LIMD1: variants seen among roughly 807,000 people sequenced by gnomAD.
LIMD1 encodes the protein LIM domain containing 1.
Under a neutral mutation model 58.4 loss-of-function variants are expected in LIMD1, and 23 were observed. The ratio of observed to expected loss-of-function variants is 0.39; its 90% CI spans 0.28 to 0.56. LIMD1 has a LOEUF of 0.56. Ranked by LOEUF, LIMD1 falls within the 20% of genes least tolerant of loss-of-function variation. The pLI, the probability that LIMD1 is intolerant of heterozygous loss-of-function variation, is 0.57. For missense variants in LIMD1, 838 were observed against 855.5 expected (o/e 0.98, Z 0.25); for synonymous variants, 334 against 345.5 (o/e 0.97, Z 0.37).
At chr3:45,672,859 G>A (rs766834785) in intron 5 of LIMD1, 39 bp downstream of exon 5, 2 of 1,610,424 alleles carry the variant, frequency 1.2e-6, no homozygotes, top group African/African-American at 1.3e-5. Flanking sequence ...CATTCGTGTA[G>A]GCCAAGCTGA....
At chr3:45,667,903 C>A (rs1697539929) in intron 3 of LIMD1, among the ~76,000 whole-genome samples, 1 of 152,252 alleles carries the variant, frequency 6.6e-6, no homozygotes, top group East Asian at 1.9e-4. Flanking sequence ...GAACCCACCC[C>A]CTGAGTTTCC....
intron 1 of LIMD1, among the ~76,000 whole-genome samples, chr3:45,604,350 A>G (rs529447172): frequency 6.6e-6 from 1 of 152,328 alleles, no homozygotes; most frequent in Admixed American, 6.5e-5. Context: ...CCGTCCCTGC[A>G]TGCCATCTCT....
chr3:45,646,225 G>C lies in LIMD1; in HGVS notation c.1510+9974G>C, dbSNP rs115541664. Among the ~76,000 whole-genome samples the C allele has an allele frequency of 1.2e-3, 176 of 152,332 alleles. 1 individual carries two copies. The highest frequency in any genetic ancestry group is 3.8e-3 in the African/African-American group (160 of 41,564). On this transcript the variant is annotated intron_variant, in intron 2 of 7. Transcript: ENST00000273317. ...GGAAGTGTGTTCGTGCCCAGGGGCA[G>C]GTGGCCACTGTGTATACACTTGCCA...
chr3:45,648,306 C>A (rs888991780), intron 2 of LIMD1, among the ~76,000 whole-genome samples: 2 of 152,198 alleles, frequency 1.3e-5, no homozygotes, highest in African/African-American at 4.8e-5. Flanking sequence ...ATAGATTTGC[C>A]TATTCTGGAT....
At chr3:45,610,643 C>A (rs1387149229) in intron 1 of LIMD1, among the ~76,000 whole-genome samples, 1 of 152,172 alleles carries the variant, frequency 6.6e-6, no homozygotes, top group Non-Finnish European at 1.5e-5. Flanking sequence ...CCCCCCAGCT[C>A]TGCCAACAGC....
chr3:45,662,595 C>G (rs1056861941), intron 2 of LIMD1, among the ~76,000 whole-genome samples: 29 of 152,090 alleles, frequency 1.9e-4, no homozygotes, highest in Non-Finnish European at 5.9e-5. Flanking sequence ...GATTCCTTTT[C>G]CCATCCTCTC....
Position 45,596,101 on chromosome 3 carries a change from T to A in LIMD1, c.1222T>A (p.Trp408Arg). 6.2e-7 allele frequency: 1 copy of A among 1,614,220 alleles called. No individual in the cohort carries two copies. The highest frequency in any genetic ancestry group is 2.2e-5 in the East Asian group (1 of 44,884). The change falls in exon 1 of 8, where the codon TGG (tryptophan) becomes AGG (arginine). Residue 408 changes from tryptophan (W) to arginine (R), a missense_variant. Around this residue, in one of 3 missense-constraint regions of LIMD1, gnomAD observed 659 missense variants for 639.8 expected, o/e 1.03. Transcript: ENST00000273317. ...ELSCKEGPLG[W>R]SSDGSLGSVL... Reference sequence around the variant, plus strand: ...ATCTTGTAAAGAGGGTCCCCTGGGCTGGTCTTCTGATGGTAGCCTGGGATC... The same window carrying A: ...ATCTTGTAAAGAGGGTCCCCTGGGCAGGTCTTCTGATGGTAGCCTGGGATC...
At chr3:45,635,732 C>CAAA (rs71095045) in intron 1 of LIMD1, among the ~76,000 whole-genome samples, 12,666 of 73,146 alleles carry the variant, frequency 0.17, 1,885 homozygotes, top group South Asian at 0.24. Context: ...ATCCCCGTCT[C>CAAA]AAAAAAAAAA....
chr3:45,650,589 T>G (rs1461465428), intron 2 of LIMD1, among the ~76,000 whole-genome samples: 1 of 150,376 alleles, frequency 6.6e-6, no homozygotes, highest in Non-Finnish European at 1.5e-5. Context: ...CATGCGGTAT[T>G]TGGTTTTCTG....
At chr3:45,660,638 A>G (rs548051294) in intron 2 of LIMD1, among the ~76,000 whole-genome samples, 2 of 151,792 alleles carry the variant, frequency 1.3e-5, no homozygotes, top group South Asian at 4.2e-4. Flanking sequence ...CTGGTCTCGA[A>G]CTCGTGATCT....
At chr3:45,654,550 G>C (rs1030541489) in intron 2 of LIMD1, among the ~76,000 whole-genome samples, 1 of 151,938 alleles carries the variant, frequency 6.6e-6, no homozygotes, top group East Asian at 1.9e-4. Flanking sequence ...CTCATTCACG[G>C]CCTGCAGGTG....
At chr3:45,653,634 G>C (rs970618365) in intron 2 of LIMD1, among the ~76,000 whole-genome samples, 1 of 152,180 alleles carries the variant, frequency 6.6e-6, no homozygotes, top group Non-Finnish European at 1.5e-5. Flanking sequence ...CTGGGGCTGG[G>C]TGTTGTGGCC....
At chr3:45,621,485 C>T (rs1425495833) in intron 1 of LIMD1, among the ~76,000 whole-genome samples, 1 of 152,084 alleles carries the variant, frequency 6.6e-6, no homozygotes, top group Non-Finnish European at 1.5e-5. Flanking sequence ...AGAGATCCTC[C>T]CACCTTGACT....
chr3:45,594,902 G>A lies in LIMD1; in HGVS notation c.23G>A (p.Gly8Asp), dbSNP rs879508473. MDKYDDL[G>D]LEASKFIEDL... The stretch of plus-strand genomic sequence containing the variant: ...AGCATGGATAAGTATGACGACCTGG[G>A]CCTGGAGGCCAGTAAATTCATCGAG... The change falls in exon 1 of 8, where the codon GGC (glycine) becomes GAC (aspartate). Residue 8 changes from glycine to aspartate, a missense_variant. Physicochemically the swap from Gly to Asp is moderately conservative, Grantham distance 94. Around this residue, in one of 3 missense-constraint regions of LIMD1, gnomAD observed 659 missense variants for 639.8 expected, o/e 1.03. Transcript: ENST00000273317. 1.2e-5 allele frequency: 20 copies of A among 1,610,788 alleles called. No individual in the cohort carries two copies. The highest frequency in any genetic ancestry group is 1.5e-5 in the Non-Finnish European group (18 of 1,179,416).
intron 1 of LIMD1, among the ~76,000 whole-genome samples, chr3:45,606,828 T>G (rs959945956): frequency 6.6e-6 from 1 of 152,214 alleles, no homozygotes; most frequent in Non-Finnish European, 1.5e-5. Flanking sequence ...AGAGTCTCGC[T>G]CTGTTGCCCA....
intron 2 of LIMD1, among the ~76,000 whole-genome samples, chr3:45,662,035 G>A (rs956842855): frequency 6.6e-6 from 1 of 152,214 alleles, no homozygotes; most frequent in African/African-American, 2.4e-5. Context: ...TGGAATTACA[G>A]GTGTGAGCCA....
At chr3:45,637,916 T>G (rs896114872) in intron 2 of LIMD1, among the ~76,000 whole-genome samples, 3 of 151,142 alleles carry the variant, frequency 2.0e-5, no homozygotes, top group African/African-American at 4.9e-5. Context: ...ACTATGAGAA[T>G]GTCCGCAGTG....
rs1432894234 is a variant in LIMD1 at position 45,685,737 on chromosome 3, C to T, written c.*8678C>T. 1 of 152,244 alleles carries T rather than the reference C, an allele frequency of 6.6e-6. No homozygotes were observed. The highest frequency in any genetic ancestry group is 1.5e-5 in the Non-Finnish European group (1 of 68,052). The allele number at this position is 152,244 out of a possible 1,614,324, so 9.4% of individuals were successfully genotyped here. On this transcript the variant is annotated 3_prime_UTR_variant, in exon 8 of 8. Coordinates refer to ENST00000273317, the MANE Select transcript of LIMD1 (RefSeq NM_014240.3). ...TCACATTCTATCTCAGGCTTCATAA[C>T]TCAATTGCTCCATGACCTTAAGCCA... is the stretch of plus-strand genomic sequence containing the variant.
intron 2 of LIMD1, among the ~76,000 whole-genome samples, chr3:45,654,173 C>G (rs114281551): frequency 0.04 from 6,039 of 152,248 alleles, 129 homozygotes; most frequent in African/African-American, 0.062. Context: ...AAGTCACTAA[C>G]TGGGACAGTA....
Sources: gnomAD v4.1 joint callset for allele counts (sites outside exome capture counted in the v4.1 genomes callset) on GRCh38, gnomAD v4.1.1 for gene constraint, gnomAD v4.1.1 regional missense constraint, MANE v1.5 for transcripts, NCBI Gene and HGNC (gene_info 2026-07-23, HGNC 2026-07-21) for gene names.